The following PLCE1 variants were observed in gnomAD, a reference collection of about 807,000 sequenced individuals.
PLCE1 encodes the protein phospholipase C epsilon 1.
In PLCE1, 119 loss-of-function variants were observed where a neutral mutation model predicts 242.8. The observed-to-expected ratio is 0.49, with a 90% CI of 0.42 to 0.57. The LOEUF (loss-of-function observed/expected upper bound fraction) is 0.57, where lower values mean the gene tolerates loss of function less well. PLCE1 is among the 20% of genes least tolerant of loss of function. The pLI, the probability that PLCE1 is intolerant of heterozygous loss-of-function variation, is 0.00. For synonymous variants in PLCE1, 945 were observed against 1,017.4 expected (o/e 0.93, Z 1.35); for missense variants, 2,441 against 2,788.8 (o/e 0.88, Z 2.81).
intron 28 of PLCE1, 62 bp from the exon 29 acceptor site, chr10:94,316,485 T>A (rs1283657001): frequency 1.9e-6 from 2 of 1,039,456 alleles, no homozygotes; most frequent in African/African-American, 1.6e-5. Context: ...CTGAACACCA[T>A]GAAAGTTGAT....
chr10:94,225,564 G>A (rs555533811), intron 4 of PLCE1, among the ~76,000 whole-genome samples: 5 of 152,228 alleles, frequency 3.3e-5, no homozygotes, highest in African/African-American at 1.2e-4. Context: ...CCAGTTACTC[G>A]AGGTTGCAGT....
intron 3 of PLCE1, among the ~76,000 whole-genome samples, chr10:94,166,399 A>T (rs1414213658): frequency 6.6e-6 from 1 of 152,222 alleles, no homozygotes; most frequent in Admixed American, 6.5e-5. Context: ...AGAATGAAAG[A>T]TAAAGTTTCT....
At chr10:94,229,911 T>G (rs1398269492) in intron 5 of PLCE1, among the ~76,000 whole-genome samples, 1 of 152,208 alleles carries the variant, frequency 6.6e-6, no homozygotes, top group Non-Finnish European at 1.5e-5. Flanking sequence ...TGACAGCTAT[T>G]CTGTACACAG....
At chr10:94,086,940 G>C (rs1391861227) in intron 2 of PLCE1, among the ~76,000 whole-genome samples, 4 of 152,174 alleles carry the variant, frequency 2.6e-5, no homozygotes, top group African/African-American at 9.7e-5. Context: ...AGTGCCCTAA[G>C]CACAGTGCCT....
At chr10:94,125,395 CTTA>C (rs2046407934) in intron 2 of PLCE1, among the ~76,000 whole-genome samples, 1 of 151,578 alleles carries the variant, frequency 6.6e-6, no homozygotes, top group Admixed American at 6.6e-5. Context: ...ACATTAGCGC[CTTA>C]TTTTTTTTTT....
intron 26 of PLCE1, among the ~76,000 whole-genome samples, chr10:94,307,317 A>G (rs1176048917): frequency 6.6e-6 from 1 of 152,162 alleles, no homozygotes; most frequent in African/African-American, 2.4e-5. Flanking sequence ...CCTTTCTAAC[A>G]TATTTCCAGG....
At chr10:94,011,935 C>A (rs2061176580) in intron 1 of PLCE1, among the ~76,000 whole-genome samples, 1 of 152,162 alleles carries the variant, frequency 6.6e-6, no homozygotes. Flanking sequence ...AACCATTTTA[C>A]TAAAACCCCA....
chr10:94,262,594 A>C lies in PLCE1; in HGVS notation c.3915A>C (p.Ala1305=). ...AGATATCTGATGCCATTGCTGCTGC[A>C]AGCATTGTGACAAATGGCACTGGGA... ...QRQISDAIAA[A]SIVTNGTGIE... The change falls in exon 14 of 33, where the codon GCA becomes GCC. Residue 1305 remains alanine, a synonymous_variant. Transcript: ENST00000371380. 6.2e-7 allele frequency: 1 copy of C among 1,614,014 alleles called. No homozygotes were observed. Among genetic ancestry groups the C allele is most frequent in the Non-Finnish European group, 8.5e-7 (1 of 1,179,896 alleles).
At chr10:94,019,084 T>C (rs975428107) in intron 1 of PLCE1, among the ~76,000 whole-genome samples, 1 of 152,228 alleles carries the variant, frequency 6.6e-6, no homozygotes, top group African/African-American at 2.4e-5. Context: ...AGGATCATTA[T>C]GAGAATTACA....
intron 3 of PLCE1, among the ~76,000 whole-genome samples, chr10:94,158,332 A>G (rs2047496860): frequency 6.6e-6 from 1 of 152,152 alleles, no homozygotes; most frequent in Non-Finnish European, 1.5e-5. Context: ...TTGAGTCAGT[A>G]ATGCCATCTT....
intron 2 of PLCE1, among the ~76,000 whole-genome samples, chr10:94,077,751 A>C (rs914603941): frequency 6.6e-6 from 1 of 152,218 alleles, no homozygotes; most frequent in African/African-American, 2.4e-5. Flanking sequence ...TGGGTGACAG[A>C]GCAAGACACT....
intron 4 of PLCE1, among the ~76,000 whole-genome samples, chr10:94,172,268 G>A (rs190920296): frequency 2.0e-3 from 297 of 152,174 alleles, no homozygotes; most frequent in Non-Finnish European, 3.4e-3. Flanking sequence ...TGCACTCTTG[G>A]GCTTAAAAGG....
intron 1 of PLCE1, among the ~76,000 whole-genome samples, chr10:94,025,546 G>A (rs772599077): frequency 5.9e-5 from 9 of 152,042 alleles, no homozygotes; most frequent in Non-Finnish European, 1.2e-4. Flanking sequence ...AATTCTCTCT[G>A]TTTATTTGTT....
intron 22 of PLCE1, among the ~76,000 whole-genome samples, chr10:94,288,118 T>C (rs1193117328): frequency 6.6e-6 from 1 of 152,134 alleles, no homozygotes; most frequent in African/African-American, 2.4e-5. Flanking sequence ...GTACAAGTAG[T>C]TTTTGGTTAC....
chr10:93,999,680 G>C (rs900387948), intron 1 of PLCE1, among the ~76,000 whole-genome samples: 1 of 152,134 alleles, frequency 6.6e-6, no homozygotes, highest in Non-Finnish European at 1.5e-5. Flanking sequence ...CCTCCCTCTC[G>C]CTCCCACCTC....
At chr10:94,258,439 G>GA (rs1245649668) in intron 11 of PLCE1, among the ~76,000 whole-genome samples, 12 of 152,150 alleles carry the variant, frequency 7.9e-5, no homozygotes, top group African/African-American at 2.9e-4. Flanking sequence ...ATTTCCCATA[G>GA]ATTAAGAGTG....
At chr10:94,279,995 C>T (rs921335673) in intron 20 of PLCE1, 84 bp downstream of exon 20, 5 of 1,375,516 alleles carry the variant, frequency 3.6e-6, no homozygotes, top group African/African-American at 2.8e-5. Context: ...AAGTCTAGAG[C>T]GCCAAAGACC....
chr10:94,223,997 A>T (rs952539524), intron 4 of PLCE1, among the ~76,000 whole-genome samples: 1 of 152,112 alleles, frequency 6.6e-6, no homozygotes, highest in Admixed American at 6.6e-5. Flanking sequence ...TTATTTTATA[A>T]CTAGCGGTGG....
At chr10:94,246,653 T>C (rs373966454) in intron 8 of PLCE1, 32 bp downstream of exon 8, 10 of 1,590,972 alleles carry the variant, frequency 6.3e-6, no homozygotes, top group Non-Finnish European at 8.6e-6. Context: ...CTTTCCTCAC[T>C]GGCATAATAC....
Sources: gnomAD v4.1 joint callset for allele counts (sites outside exome capture counted in the v4.1 genomes callset) on GRCh38, gnomAD v4.1.1 for gene constraint, MANE v1.5 for transcripts, NCBI Gene and HGNC (gene_info 2026-07-23, HGNC 2026-07-21) for gene names.